Variants in STAT3 observed in about 807,000 individuals in gnomAD.
STAT3 encodes signal transducer and activator of transcription 3.
A neutral mutation model predicts 114.3 loss-of-function variants in STAT3; 7 were observed. The observed-to-expected ratio is 0.06, with a 90% CI of 0.03 to 0.11. The LOEUF (loss-of-function observed/expected upper bound fraction) is 0.11. Among genes scored for constraint, STAT3 ranks in the 10% least tolerant of loss-of-function variants. The pLI, the probability that STAT3 is intolerant of heterozygous loss-of-function variation, is 1.00. For missense variants in STAT3, 364 were observed against 960.9 expected (o/e 0.38, Z 8.21); for synonymous variants, 331 against 354.5 (o/e 0.93, Z 0.74).
chr17:42,323,186 G>GCATC, intron 19 of STAT3, 43 bp from the exon 20 acceptor site: 1 of 1,614,160 alleles, frequency 6.2e-7, no homozygotes, highest in East Asian at 2.2e-5. Flanking sequence ...TGCTAACAGG[G>GCATC]CATCCATCCC....
chr17:42,370,769 A>AT (rs544951035), intron 1 of STAT3, among the ~76,000 whole-genome samples: 12,108 of 134,130 alleles, frequency 0.09, 589 homozygotes, highest in African/African-American at 0.13. Context: ...CACCCAGCTA[A>AT]TTTTTTTTTT....
At position 42,322,299 on chromosome 17, in the gene STAT3, G is replaced by C. The variant is rs2144678025; in HGVS notation, c.2084C>G (p.Pro695Arg). 1 of 1,614,214 alleles carries C rather than the reference G, an allele frequency of 6.2e-7. No homozygotes were observed. Among genetic ancestry groups the C allele is most frequent in the Non-Finnish European group, 8.5e-7 (1 of 1,180,046 alleles). The change falls in exon 21 of 24, where the codon CCT becomes CGT. Residue 695 changes from proline (P) to arginine (R), a missense_variant. Pro to Arg is a moderately radical substitution (Grantham distance 103). Around this residue, in one of 5 missense-constraint regions of STAT3, gnomAD observed 21 missense variants for 43.2 expected, o/e 0.49. Coordinates refer to ENST00000264657, the MANE Select transcript of STAT3 (RefSeq NM_139276.3). ...KYCRPESQEH[P>R]EADPGSAAPY... ...TCAACAACTACCTGGGTCAGCTTCA[G>C]GATGCTCCTGGCTCTCTGGCCGACA...
At chr17:42,370,462 T>C (rs891615271) in intron 1 of STAT3, among the ~76,000 whole-genome samples, 2 of 151,524 alleles carry the variant, frequency 1.3e-5, no homozygotes, top group Non-Finnish European at 2.9e-5. Context: ...GCCAGGCTGG[T>C]CTCGAATTCC....
Position 42,345,529 on chromosome 17 carries a change from A to G in STAT3, c.372+30T>C, listed in dbSNP as rs986979106. The G allele has an allele frequency of 3.2e-6, 5 of 1,565,642 alleles. No individual in the cohort carries two copies. In the African/African-American group the frequency reaches 6.8e-5, roughly 21 times the overall value. Reference sequence around the variant, plus strand: ...TTGTTTGATTTTCCATTCCTCCCAGACCAGGGATTTGTTTTGTCTCAGGTC... The same window carrying G: ...TTGTTTGATTTTCCATTCCTCCCAGGCCAGGGATTTGTTTTGTCTCAGGTC... On this transcript the variant is annotated intron_variant, in intron 4 of 23. Coordinates refer to ENST00000264657, the MANE Select transcript of STAT3 (RefSeq NM_139276.3).
rs141343000 is a variant in STAT3 at position 42,358,989 on chromosome 17, C to T, written c.-23-10450G>A. On this transcript the variant is annotated intron_variant, in intron 1 of 23. Coordinates refer to ENST00000264657, the MANE Select transcript of STAT3 (RefSeq NM_139276.3). ...TCACTCTGTTGCCCAGGCTGGAATGCGGTGGGCACAATCTCAGCTCACTGC... is the reference window on the plus strand; with the variant it reads ...TCACTCTGTTGCCCAGGCTGGAATGTGGTGGGCACAATCTCAGCTCACTGC... 3.7e-3 allele frequency among the ~76,000 whole-genome samples: 487 copies of T among 130,460 alleles called. 3 individuals carry two copies. Among genetic ancestry groups the T allele is most frequent in the African/African-American group, 0.013 (452 of 34,374 alleles). The allele number at this position is 130,460 out of a possible 152,430, so 85.6% of individuals were successfully genotyped here. A position where few individuals can be genotyped will look rare whatever the true frequency, so the allele number is the denominator to read the frequency against.
intron 4 of STAT3, among the ~76,000 whole-genome samples, chr17:42,344,494 A>G (rs1397699213): frequency 6.6e-6 from 1 of 151,460 alleles, no homozygotes; most frequent in Non-Finnish European, 1.5e-5. Flanking sequence ...TGGCCGGTGG[A>G]TCATGAAGTC....
At chr17:42,360,413 G>C (rs951870221) in intron 1 of STAT3, among the ~76,000 whole-genome samples, 1 of 151,886 alleles carries the variant, frequency 6.6e-6, no homozygotes, top group Non-Finnish European at 1.5e-5. Flanking sequence ...GGGAGGCTGA[G>C]GCAGGTGGAT....
At chr17:42,316,688 A>C in intron 23 of STAT3, 101 bp downstream of exon 23, 1 of 1,566,028 alleles carries the variant, frequency 6.4e-7, no homozygotes, top group Non-Finnish European at 8.6e-7. Context: ...AGAATCTCCT[A>C]CCATTCCGAG....
At chr17:42,338,953 A>G (rs756241267) in intron 5 of STAT3, 141 bp from the exon 6 acceptor site, 27 of 763,564 alleles carry the variant, frequency 3.5e-5, no homozygotes, top group Non-Finnish European at 5.8e-5. Context: ...AGTATCCCCA[A>G]GAGAAGGCTC....
At chr17:42,364,694 G>C (rs1242929331) in intron 1 of STAT3, among the ~76,000 whole-genome samples, 1 of 152,170 alleles carries the variant, frequency 6.6e-6, no homozygotes. Context: ...TTTTGGCCAG[G>C]TTGGTCTCAA....
chr17:42,317,326 CTCA>C, intron 21 of STAT3, 102 bp from the exon 22 acceptor site: 1 of 1,319,672 alleles, frequency 7.6e-7, no homozygotes, highest in Non-Finnish European at 1.1e-6. Context: ...TTGAAACTCA[CTCA>C]TCCTCATGCC....
At chr17:42,346,516 A>G in intron 3 of STAT3, 53 bp downstream of exon 3, 1 of 1,612,924 alleles carries the variant, frequency 6.2e-7, no homozygotes, top group Non-Finnish European at 8.5e-7. Context: ...AAAGAACACT[A>G]ACACCCGACT....
intron 1 of STAT3, 146 bp downstream of exon 1, chr17:42,388,133 C>T: frequency 1.0e-6 from 1 of 1,000,824 alleles, no homozygotes; most frequent in Middle Eastern, 3.6e-4. Context: ...AGTCTTCCCT[C>T]AGGGCGACCC....
At position 42,337,053 on chromosome 17, in the gene STAT3, A is replaced by G; in HGVS notation, c.797+382T>C. ...GTGTGCGGTAGTAAGATCTCCGCTC[A>G]CTGCAACTTCCATATCCCAGGTTCA... On this transcript the variant is annotated intron_variant, in intron 8 of 23. Transcript: ENST00000264657. This position sits in a 1 kb window ranked among gnomAD's most constrained non-coding sequence, Gnocchi z 4.0. Among the ~76,000 whole-genome samples the G allele has an allele frequency of 6.6e-6, 1 of 152,088 alleles. No individual in the cohort carries two copies. The highest frequency in any genetic ancestry group is 1.9e-4 in the East Asian group (1 of 5,200).
At chr17:42,379,079 T>G (rs540738125) in intron 1 of STAT3, among the ~76,000 whole-genome samples, 1 of 152,240 alleles carries the variant, frequency 6.6e-6, no homozygotes, top group South Asian at 2.1e-4. Context: ...TTTTCCTAAA[T>G]TGGGCTTACC....
At position 42,337,826 on chromosome 17, in the gene STAT3, T is replaced by A. The variant is rs1164218856; in HGVS notation, c.582A>T (p.Ser194=). The A allele has an allele frequency of 6.2e-7, 1 of 1,614,268 alleles. No homozygotes were observed. Among genetic ancestry groups the A allele is most frequent in the Admixed American group, 1.7e-5 (1 of 60,032 alleles). The change falls in exon 7 of 24, where the codon TCA becomes TCT. Residue 194 remains serine (S), a synonymous_variant. Coordinates refer to ENST00000264657, the MANE Select transcript of STAT3 (RefSeq NM_139276.3). This position sits in a 1 kb window ranked among gnomAD's most constrained non-coding sequence, Gnocchi z 4.0. The part of the protein sequence containing the change: ...DMQDLNGNNQ[S]VTRQKMQQLE... ...GCTGCTGCATCTTCTGCCTGGTCACTGACTGGTTGTTTCCATTCAGATCTT... is the reference window on the plus strand; with the variant it reads ...GCTGCTGCATCTTCTGCCTGGTCACAGACTGGTTGTTTCCATTCAGATCTT...
chr17:42,367,339 C>CAAA (rs770105081), intron 1 of STAT3, among the ~76,000 whole-genome samples: 1 of 119,588 alleles, frequency 8.4e-6, no homozygotes, highest in Non-Finnish European at 1.8e-5. Context: ...ATTTTGTCTC[C>CAAA]AAAAAAAAAA....
intron 2 of STAT3, among the ~76,000 whole-genome samples, chr17:42,347,777 G>C (rs185770868): frequency 5.9e-5 from 9 of 152,238 alleles, no homozygotes; most frequent in Admixed American, 3.9e-4. Flanking sequence ...CCTCCCCCTT[G>C]CTCTCTTGCT....
intron 4 of STAT3, among the ~76,000 whole-genome samples, chr17:42,342,247 C>T (rs7206960): frequency 0.074 from 11,218 of 152,054 alleles, 1,380 homozygotes; most frequent in African/African-American, 0.26. Context: ...CTTTGGGAGG[C>T]CGAGGTGGAT....
Sources: gnomAD v4.1 joint callset for allele counts (sites outside exome capture counted in the v4.1 genomes callset) on GRCh38, gnomAD v4.1.1 for gene constraint, gnomAD v4.1.1 regional missense constraint, Gnocchi (gnomAD v3.1) non-coding constraint, MANE v1.5 for transcripts, NCBI Gene and HGNC (gene_info 2026-07-23, HGNC 2026-07-21) for gene names.